The following LTF variants were observed in gnomAD, a reference collection of about 807,000 sequenced individuals.
LTF encodes the protein epididymis luminal protein 110.
Under a neutral mutation model 87.2 loss-of-function variants are expected in LTF, and 91 were observed. That is an observed-to-expected ratio of 1.04 (90% CI 0.88 to 1.24). The LOEUF (loss-of-function observed/expected upper bound fraction) is 1.24. Among genes scored for constraint, LTF ranks in the 50% most tolerant of loss-of-function variants. The pLI is 0.00. For synonymous variants in LTF, 378 were observed against 356.1 expected, an observed-to-expected ratio of 1.06 and a Z score of -0.69; for missense variants, 901 against 904.3, an observed-to-expected ratio of 1.00 and a Z score of 0.05.
In LTF at chr3:46,454,313, G is replaced by T; in HGVS notation, c.695C>A (p.Thr232Lys). The change falls in exon 6 of 17, where the codon ACA (threonine) becomes AAA (lysine). Residue 232 changes from threonine to lysine, a missense_variant. By Grantham distance (78) the Thr-to-Lys change is moderately conservative. Transcript: ENST00000231751. Reference protein sequence around the residue: ...AGDVAFIRESTVFEDLSDEAE... With the variant: ...AGDVAFIRESKVFEDLSDEAE... The stretch of plus-strand genomic sequence containing the variant: ...CATTACCCTGCTCTTACCAAACACT[G>T]TGCTCTCTCTGATAAAAGCCACGTC... The T allele has an allele frequency of 6.2e-7, 1 of 1,614,072 alleles. No homozygotes were observed. The highest frequency in any genetic ancestry group is 1.1e-5 in the South Asian group (1 of 91,076).
intron 13 of LTF, among the ~76,000 whole-genome samples, chr3:46,442,660 G>A (rs1030970846): frequency 2.6e-5 from 4 of 151,738 alleles, no homozygotes; most frequent in Non-Finnish European, 4.4e-5. Flanking sequence ...CTTTTTTTAT[G>A]AGCCACTTAT....
chr3:46,444,610 G>A (rs1040720976), intron 12 of LTF, among the ~76,000 whole-genome samples: 1 of 152,210 alleles, frequency 6.6e-6, no homozygotes, highest in African/African-American at 2.4e-5. Context: ...AGCTGGTGAG[G>A]AGCAGAGCCA....
At chr3:46,455,214 A>G (rs1170827905) in intron 5 of LTF, 81 bp downstream of exon 5, 1 of 1,560,542 alleles carries the variant, frequency 6.4e-7, no homozygotes, top group Non-Finnish European at 8.8e-7. Flanking sequence ...GCTGGGCTCT[A>G]TGTGGGGCCA....
chr3:46,445,517 C>T (rs994447444), intron 11 of LTF, 81 bp from the exon 12 acceptor site: 25 of 1,341,752 alleles, frequency 1.9e-5, no homozygotes, highest in Non-Finnish European at 2.5e-5. Flanking sequence ...TGTCTACAGC[C>T]CAGGCCAAAA....
intron 9 of LTF, 47 bp from the exon 10 acceptor site, chr3:46,447,445 C>T (rs762787): frequency 0.067 from 89,132 of 1,325,270 alleles, 3,352 homozygotes; most frequent in Non-Finnish European, 0.077. Context: ...GGCTGCATCC[C>T]GTCCTGCCTG....
rs1237384961 is a variant in LTF, at chr3:46,455,428, A to T, written c.514T>A (p.Phe172Ile). The change falls in exon 5 of 17, where the codon TTC (phenylalanine) becomes ATC (isoleucine). Residue 172 changes from phenylalanine (F) to isoleucine (I), a missense_variant. Coordinates refer to ENST00000231751, the MANE Select transcript of LTF (RefSeq NM_002343.6). Reference sequence around the variant, plus strand: ...GCACCGGGAACACAGCTGGCTGAGAAGAACCTGGCCACAGCTGTTAAACAC... The same window carrying T: ...GCACCGGGAACACAGCTGGCTGAGATGAACCTGGCCACAGCTGTTAAACAC... ...EPIEAAVARFFSASCVPGADK... is the reference protein window; with the variant it reads ...EPIEAAVARFISASCVPGADK... The T allele has an allele frequency of 1.2e-6, 2 of 1,614,136 alleles. No homozygotes were observed. The highest frequency in any genetic ancestry group is 2.7e-5 in the African/African-American group (2 of 74,948).
chr3:46,443,769 T>C (rs1294125207), intron 12 of LTF, among the ~76,000 whole-genome samples, 187 bp from the exon 13 acceptor site: 1 of 152,160 alleles, frequency 6.6e-6, no homozygotes, highest in Non-Finnish European at 1.5e-5. Flanking sequence ...AAAAGCTTCA[T>C]TCAGACTGTA....
chr3:46,463,206 TG>T (rs1345562872), intron 1 of LTF, among the ~76,000 whole-genome samples: 1 of 152,218 alleles, frequency 6.6e-6, no homozygotes, highest in African/African-American at 2.4e-5. Flanking sequence ...TGGACCTGGC[TG>T]GACACTGGCC....
chr3:46,482,650 A>G (rs1329521515), intron 1 of LTF, among the ~76,000 whole-genome samples: 5 of 107,148 alleles, frequency 4.7e-5, no homozygotes, highest in Admixed American at 3.0e-4. Context: ...GAAAGAAAGA[A>G]AGAAAGAAAG....
At position 46,478,337 on chromosome 3, in the gene LTF, G is replaced by C. The variant is rs376084143; in HGVS notation, c.-320+6649C>G. On this transcript the variant is annotated intron_variant, in intron 1 of 19. Transcript: ENST00000443496. ...CACATCTTCTCTCTCCCCCTCCAAGGGTCTCTGGGCTACAAGGGAAGCTTT... is the reference window on the plus strand; with the variant it reads ...CACATCTTCTCTCTCCCCCTCCAAGCGTCTCTGGGCTACAAGGGAAGCTTT... 2.3e-4 allele frequency among the ~76,000 whole-genome samples: 35 copies of C among 152,198 alleles called. No individual in the cohort carries two copies. In the South Asian group the frequency reaches 6.9e-3, roughly 30 times the overall value.
At position 46,446,473 on chromosome 3, in the gene LTF, GGTCACTGCTTT is replaced by G. The variant is rs1702657446; in HGVS notation, c.1313_1323del (p.Gln438ProfsTer2). On this transcript the variant is annotated frameshift_variant, in exon 11 of 17. Transcript: ENST00000231751. LOFTEE classifies it high-confidence loss of function. ...GGTCTATCCACACAGTTAGGATCAG[GGTCACTGCTTT>G]GTTGGGATTCTGAAAGAATAAAGAC... The G allele has an allele frequency of 6.2e-7, 1 of 1,613,682 alleles. No individual in the cohort carries two copies. Among genetic ancestry groups the G allele is most frequent in the Non-Finnish European group, 8.5e-7 (1 of 1,179,874 alleles).
chr3:46,456,652 G>A (rs889829665), intron 2 of LTF, among the ~76,000 whole-genome samples: 3 of 152,090 alleles, frequency 2.0e-5, no homozygotes, highest in Non-Finnish European at 4.4e-5. Flanking sequence ...TCACTCTCCC[G>A]ATCACACCCC....
chr3:46,440,928 T>C (rs778255882), intron 14 of LTF, among the ~76,000 whole-genome samples: 6 of 152,194 alleles, frequency 3.9e-5, no homozygotes, highest in Non-Finnish European at 8.8e-5. Context: ...ACCTGTAATT[T>C]TGTTCCCACT....
rs148356125 is a variant in LTF, at chr3:46,470,697, C to T, written c.-319-231G>A. ...TTTATTCACCTGACAGCTGGGCAGA[C>T]GGGAAGGCATGGGGAGAGATGTGGT... On this transcript the variant is annotated intron_variant, in intron 1 of 19. Transcript: ENST00000443496. Among the ~76,000 whole-genome samples, 351 of 152,248 alleles carry T rather than the reference C, an allele frequency of 2.3e-3. 1 individual carries two copies. Among genetic ancestry groups the T allele is most frequent in the Non-Finnish European group, 3.8e-3 (256 of 68,018 alleles).
rs376093700 is a variant in LTF at position 46,463,508 on chromosome 3, C to A, written c.43+1317G>T. The A allele has an allele frequency of 1.0e-4, 101 of 985,578 alleles. No homozygotes were observed. In the African/African-American group the frequency reaches 1.6e-3, roughly 15 times the overall value. 61.1% of individuals were successfully genotyped at this position (985,578 alleles called of 1,614,324 possible). A position where few individuals can be genotyped will look rare whatever the true frequency, so the allele number is the denominator to read the frequency against. On this transcript the variant is annotated intron_variant, in intron 1 of 16. Transcript: ENST00000231751. Reference sequence around the variant, plus strand: ...AGGAATTCCACAGGGCAACTGCCACCCTTTCCTCAGGAAGGACAAGGGTTG... The same window carrying A: ...AGGAATTCCACAGGGCAACTGCCACACTTTCCTCAGGAAGGACAAGGGTTG...
At position 46,456,404 on chromosome 3, in the gene LTF, A is replaced by G; in HGVS notation, c.208-6T>C. 6.2e-7 allele frequency: 1 copy of G among 1,612,388 alleles called. No individual in the cohort carries two copies. Among genetic ancestry groups the G allele is most frequent in the Non-Finnish European group, 8.5e-7 (1 of 1,178,416 alleles). ...ACAGCATCGGCCCTGTTTTCCTGAA[A>G]GTAAAGAGGCCAGACTGGCTTCAGC... On this transcript the variant is annotated splice_region_variant and splice_polypyrimidine_tract_variant and intron_variant, in intron 2 of 16. Transcript: ENST00000231751.
upstream of LTF, among the ~76,000 whole-genome samples, chr3:46,467,067 G>A (rs1350041062): frequency 6.6e-6 from 1 of 152,156 alleles, no homozygotes; most frequent in Non-Finnish European, 1.5e-5. Context: ...TTCCTGCTGT[G>A]CCTGTTGGAA....
rs766131923 is a variant in LTF at position 46,464,805 on chromosome 3, C to T, written c.43+20G>A. On this transcript the variant is annotated intron_variant, in intron 1 of 16. Transcript: ENST00000231751. The stretch of plus-strand genomic sequence containing the variant: ...GAGACGCCCATCAGGCGGCTCGCGC[C>T]CCCAGGCACCTGCACTCACCGAGGG... 4 of 1,613,784 alleles carry T rather than the reference C, an allele frequency of 2.5e-6. No individual in the cohort carries two copies. The highest frequency in any genetic ancestry group is 2.2e-5 in the East Asian group (1 of 44,848).
intron 11 of LTF, among the ~76,000 whole-genome samples, chr3:46,445,931 T>G (rs1453174638): frequency 1.3e-5 from 2 of 152,218 alleles, no homozygotes; most frequent in African/African-American, 4.8e-5. Context: ...GAACTCAACA[T>G]GGTTGCCGTT....
Sources: gnomAD v4.1 joint callset for allele counts (sites outside exome capture counted in the v4.1 genomes callset) on GRCh38, gnomAD v4.1.1 for gene constraint, MANE v1.5 for transcripts, NCBI Gene and HGNC (gene_info 2026-07-23, HGNC 2026-07-21) for gene names.